Variants in TENT2 observed in about 807,000 individuals in gnomAD.
The protein encoded by TENT2 is poly(A) RNA polymerase GLD2.
A neutral mutation model predicts 72.2 loss-of-function variants in TENT2; 44 were observed. The observed-to-expected ratio is 0.61, with a 90% confidence interval of 0.48 to 0.78. TENT2 has a LOEUF of 0.78. Ranked by LOEUF, TENT2 falls within the 30% of genes least tolerant of loss-of-function variation. The probability of loss-of-function intolerance (pLI) is 0.00; values close to 1 mark genes in which losing one functional copy is unlikely to be tolerated. For synonymous variants in TENT2, 212 were observed against 192.5 expected (o/e 1.10, Z -0.84); for missense variants, 541 against 569.6 (o/e 0.95, Z 0.51).
intron 10 of TENT2, 90 bp from the exon 11 acceptor site, chr5:79,656,868 G>A (rs67039976): frequency 0.13 from 108,481 of 828,242 alleles, 10,719 homozygotes; most frequent in African/African-American, 0.42. Context: ...AAACCCTTAT[G>A]GTCTTATACC....
chr5:79,639,619 T>G (rs571860186), intron 4 of TENT2, among the ~76,000 whole-genome samples: 2 of 152,080 alleles, frequency 1.3e-5, no homozygotes, highest in East Asian at 1.9e-4. Context: ...GGGAAAGAAA[T>G]AACACCATTT....
In TENT2 at chr5:79,613,339, A is replaced by C. The variant is rs1756670213; in HGVS notation, c.-38+264A>C. On this transcript the variant is annotated intron_variant, in intron 1 of 14. Transcript: ENST00000453514. ...TTCAACTCTTTGTTTAAAGTAGCAG[A>C]TATTTTTCATTAGGGTGAACAGAGA... Among the ~76,000 whole-genome samples, 3 of 152,348 alleles carry C rather than the reference A, an allele frequency of 2.0e-5. No individual in the cohort carries two copies. The South Asian group carries it at 6.2e-4, about 32-fold the overall frequency.
At chr5:79,643,986 C>CTTT (rs555747246) in intron 7 of TENT2, among the ~76,000 whole-genome samples, 10 of 142,290 alleles carry the variant, frequency 7.0e-5, no homozygotes, top group African/African-American at 2.6e-4. Flanking sequence ...TTGATATATT[C>CTTT]TTTTTTTTTT....
intron 11 of TENT2, 87 bp from the exon 12 acceptor site, chr5:79,668,805 A>G (rs1810551985): frequency 1.4e-6 from 2 of 1,420,844 alleles, no homozygotes; most frequent in South Asian, 1.6e-5. Context: ...TCTCTTTTTC[A>G]AAGAGGAGCC....
intron 6 of TENT2, among the ~76,000 whole-genome samples, chr5:79,641,729 G>A (rs879465250): frequency 6.7e-6 from 1 of 148,342 alleles, no homozygotes; most frequent in East Asian, 2.0e-4. Context: ...TTTTTCTTTA[G>A]CAACAATATT....
At chr5:79,644,182 A>T (rs1208755948) in intron 7 of TENT2, among the ~76,000 whole-genome samples, 1 of 152,058 alleles carries the variant, frequency 6.6e-6, no homozygotes, top group African/African-American at 2.4e-5. Flanking sequence ...GGGTTTCGCC[A>T]TGTTGGCCAG....
chr5:79,646,012 C>T (rs866725114), intron 8 of TENT2, among the ~76,000 whole-genome samples: 1 of 152,152 alleles, frequency 6.6e-6, no homozygotes, highest in East Asian at 1.9e-4. Flanking sequence ...CACCCAATAC[C>T]ATGTTTCCAG....
intron 1 of TENT2, among the ~76,000 whole-genome samples, chr5:79,614,571 T>C (rs1040232029): frequency 3.3e-5 from 5 of 152,216 alleles, no homozygotes; most frequent in Admixed American, 2.6e-4. Context: ...GTAAGGAAAA[T>C]TGGATATTGC....
At chr5:79,617,238 C>T (rs1042467278) in intron 1 of TENT2, among the ~76,000 whole-genome samples, 1 of 151,174 alleles carries the variant, frequency 6.6e-6, no homozygotes, top group African/African-American at 2.4e-5. Context: ...CCATATAAAA[C>T]TTGTGATATA....
In TENT2 at chr5:79,620,678, C is replaced by G. The variant is rs1422555147; in HGVS notation, c.227+595C>G. 2.0e-5 allele frequency: 3 copies of G among 152,074 alleles called. No individual in the cohort carries two copies. In the East Asian group the frequency reaches 5.8e-4, roughly 29 times the overall value. 9.4% of individuals were successfully genotyped at this position (152,074 alleles called of 1,614,324 possible). On this transcript the variant is annotated intron_variant, in intron 3 of 14. Transcript: ENST00000453514. ...TTGGATTAACGTTCATCTTAAAGACCCCACTTTAACTTAGGTAACTTTTCA... is the reference window on the plus strand; with the variant it reads ...TTGGATTAACGTTCATCTTAAAGACGCCACTTTAACTTAGGTAACTTTTCA...
chr5:79,620,275 G>C (rs146914627), intron 3 of TENT2, among the ~76,000 whole-genome samples, 192 bp downstream of exon 3: 179 of 152,156 alleles, frequency 1.2e-3, no homozygotes, highest in African/African-American at 4.1e-3. Flanking sequence ...TTGTTGATTT[G>C]TTCCTGCTTT....
chr5:79,637,053 A>C (rs1780689519), intron 4 of TENT2, among the ~76,000 whole-genome samples: 1 of 152,078 alleles, frequency 6.6e-6, no homozygotes. Flanking sequence ...CCTGGGCAAA[A>C]TAGTGAGAAA....
rs1340731639 is a variant in TENT2 at position 79,685,541 on chromosome 5, G to A, written c.*268G>A. The A allele has an allele frequency of 1.7e-5, 4 of 239,766 alleles. No homozygotes were observed. The highest frequency in any genetic ancestry group is 9.3e-5 in the East Asian group (1 of 10,750). The allele number at this position is 239,766 out of a possible 1,614,324, so 14.9% of individuals were successfully genotyped here. A position where few individuals can be genotyped will look rare whatever the true frequency, so the allele number is the denominator to read the frequency against. On this transcript the variant is annotated 3_prime_UTR_variant, in exon 15 of 15. Coordinates refer to ENST00000453514, the MANE Select transcript of TENT2 (RefSeq NM_001114394.3). Reference sequence around the variant, plus strand: ...GGTGATCAGATAAAATATATTTTGGGAAATTAACTGAACAAATAAAAAGTT... The same window carrying A: ...GGTGATCAGATAAAATATATTTTGGAAAATTAACTGAACAAATAAAAAGTT...
intron 4 of TENT2, chr5:79,623,746 G>T: frequency 3.6e-6 from 1 of 281,680 alleles, no homozygotes; most frequent in Non-Finnish European, 6.6e-6. Flanking sequence ...CACTTTCTGA[G>T]TTTAGAGAAC....
At chr5:79,661,906 C>T (rs146039317) in intron 11 of TENT2, among the ~76,000 whole-genome samples, 174 of 152,232 alleles carry the variant, frequency 1.1e-3, no homozygotes, top group African/African-American at 3.7e-3. Flanking sequence ...GAAGTCAGTC[C>T]GCTCAAACTC....
intron 3 of TENT2, among the ~76,000 whole-genome samples, chr5:79,621,594 TAA>T (rs1201105446): frequency 2.0e-5 from 3 of 151,466 alleles, no homozygotes; most frequent in African/African-American, 4.8e-5. Flanking sequence ...CCATCTCTAC[TAA>T]AAATACAAAA....
chr5:79,680,755 A>G (rs952563500), intron 13 of TENT2, among the ~76,000 whole-genome samples: 2 of 151,740 alleles, frequency 1.3e-5, no homozygotes, highest in African/African-American at 2.4e-5. Flanking sequence ...CTTGAAAAAT[A>G]CTCTTTATTT....
intron 8 of TENT2, 97 bp downstream of exon 8, chr5:79,645,289 C>A: frequency 2.1e-6 from 2 of 947,332 alleles, no homozygotes; most frequent in Non-Finnish European, 1.5e-6. Context: ...TGTAGCATTA[C>A]AGTTTATTTT....
rs1766713511 is a variant in TENT2, at chr5:79,623,395, AT to A, written c.373del (p.Tyr125MetfsTer5). 5 of 1,613,510 alleles carry A rather than the reference AT, an allele frequency of 3.1e-6. No individual in the cohort carries two copies. The highest frequency in any genetic ancestry group is 4.2e-6 in the Non-Finnish European group (5 of 1,179,644). On this transcript the variant is annotated frameshift_variant, in exon 4 of 15. Transcript: ENST00000453514. LOFTEE classifies it high-confidence loss of function. ...TCAATGCCACCATTGTTTCATACAC[AT>A]TATGTACCAGATATAGTCAGATGTG... is the stretch of plus-strand genomic sequence containing the variant. ...RYSMPPLFHTHYVPDIVRCVP... is the reference protein window; with the variant it reads ...RYSMPPLFHTXYVPDIVRCVP...
Sources: allele counts gnomAD v4.1 joint callset (sites outside exome capture counted in the v4.1 genomes callset), GRCh38; gene constraint gnomAD v4.1.1; transcripts MANE v1.5; gene names NCBI Gene and HGNC (gene_info 2026-07-23, HGNC 2026-07-21).